MLIP: variants seen among roughly 807,000 people sequenced by gnomAD.
The protein encoded by MLIP is muscular LMNA-interacting protein.
MLIP carries 79 observed loss-of-function variants against 84.8 expected under a neutral mutation model. That is an observed-to-expected ratio of 0.93 (90% CI 0.78 to 1.12). The LOEUF (loss-of-function observed/expected upper bound fraction) is 1.12. Ranked by LOEUF, MLIP falls within the 50% of genes most tolerant of loss-of-function variation. The pLI, the probability that MLIP is intolerant of heterozygous loss-of-function variation, is 0.00. For synonymous variants in MLIP, 504 were observed against 463.0 expected (o/e 1.09, Z -1.14); for missense variants, 1,257 against 1,160.6 (o/e 1.08, Z -1.21).
rs985802900 is a variant in MLIP at position 54,124,839 on chromosome 6, A to G, written c.619A>G (p.Met207Val). The change falls in exon 3 of 14, where the codon ATG (methionine) becomes GTG (valine). Residue 207 changes from methionine (M) to valine (V), a missense_variant. By Grantham distance (21) the Met-to-Val change is conservative (BLOSUM62 1). Transcript: ENST00000502396. Reference sequence around the variant, plus strand: ...ATCACATCCTGAAATGCTTCATGGGATGGCCCCTCAGCAAAAGCATGGGCA... The same window carrying G: ...ATCACATCCTGAAATGCTTCATGGGGTGGCCCCTCAGCAAAAGCATGGGCA... ...TSSHPEMLHG[M>V]APQQKHGQLT... The G allele has an allele frequency of 6.2e-7, 1 of 1,600,998 alleles. No homozygotes were observed. The highest frequency in any genetic ancestry group is 1.7e-5 in the Admixed American group (1 of 58,440).
chr6:54,048,657 T>C lies in MLIP; in HGVS notation c.63+29566T>C, dbSNP rs958945612. ...ATGTTCAAGGCATAGGTTAAATATA[T>C]GTTTCCCCTGAAGAGCAGAGTGGTT... is the stretch of plus-strand genomic sequence containing the variant. On this transcript the variant is annotated intron_variant, in intron 1 of 12. Transcript: ENST00000274897. 1.2e-4 allele frequency among the ~76,000 whole-genome samples: 18 copies of C among 152,264 alleles called. No individual in the cohort carries two copies. The East Asian group carries it at 3.5e-3, about 29-fold the overall frequency.
chr6:54,244,411 T>G (rs1781940835), intron 12 of MLIP, among the ~76,000 whole-genome samples: 1 of 152,220 alleles, frequency 6.6e-6, no homozygotes, highest in Non-Finnish European at 1.5e-5. Flanking sequence ...ATGTACACTA[T>G]TTGACGATGC....
At chr6:54,029,411 T>A (rs1349817532) in intron 1 of MLIP, 1 of 152,398 alleles carries the variant, frequency 6.6e-6, no homozygotes, top group Non-Finnish European at 1.5e-5. Context: ...ACAGTGTTCC[T>A]CCCTTTTTTG....
intron 1 of MLIP, among the ~76,000 whole-genome samples, chr6:54,118,120 G>T (rs139538524): frequency 1.3e-5 from 2 of 152,160 alleles, no homozygotes; most frequent in East Asian, 1.9e-4. Flanking sequence ...CAGATTCAAC[G>T]CAACTCCTAT....
intron 13 of MLIP, among the ~76,000 whole-genome samples, chr6:54,264,816 C>T (rs1419263521): frequency 6.6e-6 from 1 of 151,976 alleles, no homozygotes; most frequent in Non-Finnish European, 1.5e-5. Flanking sequence ...TACTTTTTGC[C>T]TGTTGATTTT....
At chr6:54,228,827 A>G (rs548598528) in intron 11 of MLIP, among the ~76,000 whole-genome samples, 35 of 152,254 alleles carry the variant, frequency 2.3e-4, no homozygotes, top group African/African-American at 4.8e-4. Context: ...CAATAACAAC[A>G]CTGTCCTTTT....
intron 1 of MLIP, among the ~76,000 whole-genome samples, chr6:54,023,030 G>A (rs1287131912): frequency 5.3e-5 from 8 of 151,990 alleles, no homozygotes; most frequent in African/African-American, 1.4e-4. Context: ...AGCCGGGCGT[G>A]GTGGCAGGCA....
intron 10 of MLIP, 87 bp from the exon 11 acceptor site, chr6:54,202,018 C>A: frequency 1.1e-6 from 1 of 931,130 alleles, no homozygotes; most frequent in Non-Finnish European, 1.5e-6. Context: ...GTGAGAACAG[C>A]ATTGAATGAC....
At chr6:54,225,179 C>G (rs1390617359) in intron 11 of MLIP, among the ~76,000 whole-genome samples, 1 of 152,102 alleles carries the variant, frequency 6.6e-6, no homozygotes, top group Non-Finnish European at 1.5e-5. Context: ...TTTTCCATAG[C>G]AACTGTACTA....
chr6:54,079,111 T>C (rs990120007), intron 1 of MLIP, among the ~76,000 whole-genome samples: 1 of 152,260 alleles, frequency 6.6e-6, no homozygotes, highest in Non-Finnish European at 1.5e-5. Flanking sequence ...TTGGTGTTTT[T>C]CTGAAATTAA....
intron 4 of MLIP, among the ~76,000 whole-genome samples, chr6:54,145,788 C>T (rs1176054789): frequency 6.9e-6 from 1 of 145,222 alleles, no homozygotes; most frequent in East Asian, 2.0e-4. Flanking sequence ...ACCACCCCCT[C>T]CCCCACAAAA....
At chr6:54,177,068 C>T (rs753762156) in intron 9 of MLIP, among the ~76,000 whole-genome samples, 1 of 152,126 alleles carries the variant, frequency 6.6e-6, no homozygotes, top group Non-Finnish European at 1.5e-5. Context: ...GAATTAAAGA[C>T]TTAAATGTAA....
rs148476876 is a variant in MLIP, at chr6:54,251,441, C to CATATATATATAT, written c.2923-5852_2923-5841dup. 3.9e-3 allele frequency among the ~76,000 whole-genome samples: 346 copies of CATATATATATAT among 88,894 alleles called. 25 individuals are homozygous for CATATATATATAT. The highest frequency in any genetic ancestry group is 0.034 in the Middle Eastern group (6 of 174). The allele number at this position is 88,894 out of a possible 152,430, so 58.3% of individuals were successfully genotyped here. A position where few individuals can be genotyped will look rare whatever the true frequency, so the allele number is the denominator to read the frequency against. On this transcript the variant is annotated intron_variant, in intron 12 of 13. Coordinates refer to ENST00000502396, the MANE Select transcript of MLIP (RefSeq NM_001281747.2). The stretch of plus-strand genomic sequence containing the variant: ...TATCTCCAAAGTGAATGAAACAAGC[C>CATATATATATAT]ATATATATATATATATATATATATA...
At chr6:54,172,836 G>A (rs1404182918) in intron 9 of MLIP, among the ~76,000 whole-genome samples, 2 of 151,644 alleles carry the variant, frequency 1.3e-5, no homozygotes, top group Non-Finnish European at 3.0e-5. Context: ...TGCAGTAAAA[G>A]CAACACTAAT....
chr6:54,251,972 C>CAT lies in MLIP; in HGVS notation c.2923-5334_2923-5333dup, dbSNP rs534194154. Among the ~76,000 whole-genome samples the CAT allele has an allele frequency of 6.9e-4, 37 of 53,598 alleles. 2 individuals carry two copies. The highest frequency in any genetic ancestry group is 2.7e-3 in the African/African-American group (22 of 8,110). 35.2% of individuals were successfully genotyped at this position (53,598 alleles called of 152,430 possible). A position where few individuals can be genotyped will look rare whatever the true frequency, so the allele number is the denominator to read the frequency against. ...TATAATATAAATATATATATTATAA[C>CAT]ATAATATATAATATAAATATATATA... On this transcript the variant is annotated intron_variant, in intron 12 of 13. Transcript: ENST00000502396.
chr6:54,042,197 TC>T (rs1764783175), intron 1 of MLIP, among the ~76,000 whole-genome samples: 1 of 152,146 alleles, frequency 6.6e-6, no homozygotes. Context: ...TCACAGCCTT[TC>T]TGTGAATAAA....
intron 1 of MLIP, among the ~76,000 whole-genome samples, chr6:54,019,532 G>A (rs889593785): frequency 6.6e-6 from 1 of 152,128 alleles, no homozygotes; most frequent in Non-Finnish European, 1.5e-5. Context: ...TCTGGTATAA[G>A]GATAAAGTTT....
intron 8 of MLIP, among the ~76,000 whole-genome samples, chr6:54,163,882 G>T (rs1774907718): frequency 6.6e-6 from 1 of 151,408 alleles, no homozygotes; most frequent in African/African-American, 2.4e-5. Flanking sequence ...TGTGAACTCT[G>T]TTCATGATAA....
chr6:54,058,362 T>C (rs1398076277), intron 1 of MLIP, among the ~76,000 whole-genome samples: 2 of 152,182 alleles, frequency 1.3e-5, no homozygotes, highest in Non-Finnish European at 2.9e-5. Context: ...TGGTTGTGCA[T>C]GTTTACTGCC....
Sources: allele counts gnomAD v4.1 joint callset (sites outside exome capture counted in the v4.1 genomes callset), GRCh38; gene constraint gnomAD v4.1.1; transcripts MANE v1.5; gene names NCBI Gene and HGNC (gene_info 2026-07-23, HGNC 2026-07-21).